The following RAD51B variants were observed in gnomAD, a reference collection of about 807,000 sequenced individuals.
RAD51B encodes RAD51 paralog B.
A neutral mutation model predicts 42.2 loss-of-function variants in RAD51B; 38 were observed. The ratio of observed to expected loss-of-function variants is 0.90; its 90% CI spans 0.70 to 1.18. The LOEUF (loss-of-function observed/expected upper bound fraction) is 1.18. Ranked by LOEUF, RAD51B falls within the 50% of genes most tolerant of loss-of-function variation. RAD51B has a pLI of 0.00. For synonymous variants in RAD51B, 154 were observed against 145.2 expected, an observed-to-expected ratio of 1.06 and a Z score of -0.43; for missense variants, 373 against 400.7, an observed-to-expected ratio of 0.93 and a Z score of 0.59.
intron 8 of RAD51B, among the ~76,000 whole-genome samples, chr14:68,402,264 T>C (rs2084126867): frequency 6.6e-6 from 1 of 152,226 alleles, no homozygotes; most frequent in Non-Finnish European, 1.5e-5. Context: ...TTACTCATCC[T>C]CTTCGCCTTT....
chr14:68,062,811 T>G (rs941672441), intron 7 of RAD51B, among the ~76,000 whole-genome samples: 30 of 117,870 alleles, frequency 2.5e-4, no homozygotes, highest in Non-Finnish European at 4.5e-4. Context: ...TGAGACTCTG[T>G]GACAAAAAAA....
chr14:68,582,897 A>G (rs901556371), intron 10 of RAD51B, among the ~76,000 whole-genome samples: 7 of 152,230 alleles, frequency 4.6e-5, no homozygotes, highest in Admixed American at 2.6e-4. Context: ...GCAAAGTGAC[A>G]CAAGAAGAGA....
chr14:68,433,982 G>A (rs2085082315), intron 9 of RAD51B, among the ~76,000 whole-genome samples: 1 of 152,204 alleles, frequency 6.6e-6, no homozygotes, highest in Non-Finnish European at 1.5e-5. Flanking sequence ...TCAGCTGTAG[G>A]TCTGTTGGTG....
intron 10 of RAD51B, among the ~76,000 whole-genome samples, chr14:68,590,155 C>A (rs773456261): frequency 6.6e-6 from 1 of 152,198 alleles, no homozygotes; most frequent in Non-Finnish European, 1.5e-5. Flanking sequence ...CTAGTGCTGG[C>A]CTCGGCCTCC....
At chr14:68,251,397 G>A (rs1350111677) in intron 7 of RAD51B, among the ~76,000 whole-genome samples, 1 of 152,106 alleles carries the variant, frequency 6.6e-6, no homozygotes, top group Non-Finnish European at 1.5e-5. Context: ...TTAGAGGAGA[G>A]TGTAGCTATA....
intron 8 of RAD51B, among the ~76,000 whole-genome samples, chr14:68,347,357 G>A (rs2082695696): frequency 6.6e-6 from 1 of 152,152 alleles, no homozygotes; most frequent in Admixed American, 6.5e-5. Context: ...CAAAATGATT[G>A]GGGGTCCCCT....
At chr14:68,383,820 C>T (rs936705520) in intron 8 of RAD51B, among the ~76,000 whole-genome samples, 1 of 152,220 alleles carries the variant, frequency 6.6e-6, no homozygotes, top group Admixed American at 6.5e-5. Flanking sequence ...ATCATTTGGT[C>T]CACAGCTGAT....
intron 9 of RAD51B, among the ~76,000 whole-genome samples, chr14:68,447,500 AG>A (rs1159293719): frequency 6.8e-6 from 1 of 147,498 alleles, no homozygotes; most frequent in African/African-American, 2.5e-5. Context: ...AAAAAAAAAA[AG>A]CATGAAACTT....
chr14:68,521,508 G>T (rs916919395), intron 10 of RAD51B, among the ~76,000 whole-genome samples: 1 of 152,202 alleles, frequency 6.6e-6, no homozygotes, highest in African/African-American at 2.4e-5. Context: ...GTAGGTATTA[G>T]GAAGAGAGCA....
chr14:68,355,466 C>T (rs1010838078), intron 8 of RAD51B, among the ~76,000 whole-genome samples: 10 of 151,698 alleles, frequency 6.6e-5, no homozygotes, highest in Admixed American at 2.6e-4. Flanking sequence ...AATTTAATCT[C>T]GCCCATCTAT....
intron 11 of RAD51B, among the ~76,000 whole-genome samples, chr14:68,676,516 G>A (rs752144588): frequency 2.0e-5 from 3 of 152,222 alleles, no homozygotes; most frequent in Non-Finnish European, 2.9e-5. Flanking sequence ...TGTAGTTCTG[G>A]AAACTAAAGC....
At chr14:68,226,139 A>G (rs1236288262) in intron 7 of RAD51B, among the ~76,000 whole-genome samples, 1 of 152,172 alleles carries the variant, frequency 6.6e-6, no homozygotes, top group Non-Finnish European at 1.5e-5. Flanking sequence ...CCAGGCTGAG[A>G]GGCAAGGGAA....
At chr14:68,461,816 AAGG>A (rs2085853387) in intron 9 of RAD51B, among the ~76,000 whole-genome samples, 1 of 152,336 alleles carries the variant, frequency 6.6e-6, no homozygotes, top group East Asian at 1.9e-4. Context: ...GACATAAAAG[AAGG>A]AGGAGAGAGT....
chr14:68,560,133 A>T (rs1020575961), intron 10 of RAD51B, among the ~76,000 whole-genome samples: 11 of 152,200 alleles, frequency 7.2e-5, no homozygotes, highest in African/African-American at 2.7e-4. Context: ...GAGCATACTC[A>T]GATGTTACAG....
chr14:67,925,161 A>G (rs2044460137), intron 7 of RAD51B, among the ~76,000 whole-genome samples: 1 of 152,206 alleles, frequency 6.6e-6, no homozygotes, highest in Admixed American at 6.5e-5. Context: ...TTGGGCAGCT[A>G]TGCCTCTGTG....
intron 7 of RAD51B, among the ~76,000 whole-genome samples, chr14:68,071,524 T>C (rs1370626794): frequency 6.6e-6 from 1 of 152,188 alleles, no homozygotes; most frequent in Non-Finnish European, 1.5e-5. Context: ...ATCACGTGGC[T>C]TTTGCTTTTA....
intron 7 of RAD51B, among the ~76,000 whole-genome samples, chr14:67,948,886 C>T (rs1595152400): frequency 7.5e-6 from 1 of 133,326 alleles, no homozygotes; most frequent in South Asian, 2.4e-4. Context: ...GAGCTGAGAT[C>T]ACGCCGCTGC....
At position 68,411,487 on chromosome 14, in the gene RAD51B, C is replaced by T; in HGVS notation, c.917C>T (p.Thr306Ile). 1 of 1,614,106 alleles carries T rather than the reference C, an allele frequency of 6.2e-7. No individual in the cohort carries two copies. Among genetic ancestry groups the T allele is most frequent in the Non-Finnish European group, 8.5e-7 (1 of 1,180,012 alleles). Residue 306 changes from threonine (T) to isoleucine (I), a missense_variant, in exon 9 of 11, where the codon ACC becomes ATC. By Grantham distance (89) the Thr-to-Ile change is moderately conservative (BLOSUM62 -1). Transcript: ENST00000471583. ...AATACCTGGAGTCACAGTGTGAATA[C>T]CCGGCTGATCCTCCAGTACCTTGAT... The part of the protein sequence containing the change: ...LGNTWSHSVN[T>I]RLILQYLDSE...
At chr14:68,677,074 G>T (rs757323216) in intron 11 of RAD51B, among the ~76,000 whole-genome samples, 6 of 152,180 alleles carry the variant, frequency 3.9e-5, no homozygotes, top group Non-Finnish European at 8.8e-5. Flanking sequence ...GGAAACTGAG[G>T]CTCAAAATTA....
Sources: allele counts gnomAD v4.1 joint callset (sites outside exome capture counted in the v4.1 genomes callset), GRCh38; gene constraint gnomAD v4.1.1; transcripts MANE v1.5; gene names NCBI Gene and HGNC (gene_info 2026-07-23, HGNC 2026-07-21).